The following DACH2 variants were observed in gnomAD, a reference collection of about 807,000 sequenced individuals.
DACH2 encodes dachshund homolog 2.
DACH2 carries 17 observed loss-of-function variants against 35.8 expected under a neutral mutation model. That is an observed-to-expected ratio of 0.48 (90% CI 0.33 to 0.71). The LOEUF is 0.71. DACH2 is among the 30% of genes least tolerant of loss of function. The pLI is 0.02. For synonymous variants in DACH2, 195 were observed against 177.3 expected, an observed-to-expected ratio of 1.10 and a Z score of -0.79; for missense variants, 469 against 472.7, an observed-to-expected ratio of 0.99 and a Z score of 0.07.
chrX:86,581,323 C>G (rs6617243), intron 3 of DACH2, among the ~76,000 whole-genome samples: 2 of 111,642 alleles, frequency 1.8e-5, no homozygotes, highest in Admixed American at 9.5e-5. Context: ...ACAAACAAGT[C>G]TGCATAATAA....
At chrX:86,630,421 C>T (rs2369237) in intron 3 of DACH2, among the ~76,000 whole-genome samples, 12,119 of 106,911 alleles carry the variant, frequency 0.11, 699 homozygotes, top group East Asian at 0.3. Flanking sequence ...TATATATACA[C>T]ACATATATAT....
intron 2 of DACH2, among the ~76,000 whole-genome samples, chrX:86,427,011 T>A (rs1476707938): frequency 8.9e-6 from 1 of 112,196 alleles, no homozygotes; most frequent in Admixed American, 9.5e-5. Flanking sequence ...GAATACATCC[T>A]TTTTTGTCAG....
intron 3 of DACH2, among the ~76,000 whole-genome samples, chrX:86,572,259 A>G (rs1200337694): frequency 9.0e-6 from 1 of 111,486 alleles, no homozygotes; most frequent in Non-Finnish European, 1.9e-5. Flanking sequence ...AAGATAGACA[A>G]TTCTTACCAT....
intron 2 of DACH2, among the ~76,000 whole-genome samples, chrX:86,426,190 A>G (rs770525153): frequency 9.0e-6 from 1 of 111,374 alleles, no homozygotes; most frequent in Non-Finnish European, 1.9e-5. Context: ...AATGTTTATC[A>G]TAGTATTAAA....
At chrX:86,653,849 T>C (rs2040507812) in intron 4 of DACH2, among the ~76,000 whole-genome samples, 1 of 109,102 alleles carries the variant, frequency 9.2e-6, no homozygotes, top group Non-Finnish European at 1.9e-5. Flanking sequence ...GTACTTTTAG[T>C]AGAGAAGGGG....
At chrX:86,370,036 C>T (rs949683246) in intron 1 of DACH2, among the ~76,000 whole-genome samples, 3 of 111,830 alleles carry the variant, frequency 2.7e-5, no homozygotes, top group Admixed American at 9.6e-5. Context: ...CAAATATTTA[C>T]TGATGACTAC....
At position 86,512,772 on chromosome X, in the gene DACH2, T is replaced by C. The variant is rs547599765; in HGVS notation, c.528-1507T>C. 12 of 232,696 alleles carry C rather than the reference T, an allele frequency of 5.2e-5. No homozygotes were observed. The South Asian group carries it at 5.7e-4, about 11-fold the overall frequency. The allele number at this position is 232,696 out of a possible 1,213,427, so 19.2% of individuals were successfully genotyped here. A position where few individuals can be genotyped will look rare whatever the true frequency, so the allele number is the denominator to read the frequency against. On this transcript the variant is annotated intron_variant, in intron 2 of 11. Coordinates refer to ENST00000373125, the MANE Select transcript of DACH2 (RefSeq NM_053281.3). ...TATTCCGATGAACATTTTTCAGTGA[T>C]ATTGGGATCCTTTAGGACATTCGAA...
chrX:86,480,480 C>A (rs1464221784), intron 2 of DACH2, among the ~76,000 whole-genome samples: 6 of 111,670 alleles, frequency 5.4e-5, no homozygotes, highest in Non-Finnish European at 9.4e-5. Context: ...CTTGCTATCA[C>A]CTATGTCCAC....
At chrX:86,587,183 T>G (rs919243344) in intron 3 of DACH2, among the ~76,000 whole-genome samples, 5 of 111,620 alleles carry the variant, frequency 4.5e-5, no homozygotes, top group Non-Finnish European at 5.7e-5. Context: ...CAGTTATGAA[T>G]GGGATTGCGT....
intron 3 of DACH2, among the ~76,000 whole-genome samples, chrX:86,555,690 T>G (rs1432298005): frequency 8.9e-6 from 1 of 111,815 alleles, no homozygotes; most frequent in African/African-American, 3.2e-5. Flanking sequence ...TCATTTTCCT[T>G]TGTTTAAATA....
At chrX:86,730,156 A>T (rs552731667) in intron 6 of DACH2, among the ~76,000 whole-genome samples, 1 of 111,305 alleles carries the variant, frequency 9.0e-6, no homozygotes, top group African/African-American at 3.3e-5. Context: ...TAACACTTTG[A>T]TCACTAATTC....
intron 2 of DACH2, among the ~76,000 whole-genome samples, chrX:86,449,968 C>T (rs1602532179): frequency 9.0e-6 from 1 of 111,349 alleles, no homozygotes; most frequent in South Asian, 3.7e-4. Context: ...CTTTTACCAG[C>T]GAATTTTATA....
At chrX:86,585,978 A>G (rs1305522184) in intron 3 of DACH2, among the ~76,000 whole-genome samples, 1 of 111,495 alleles carries the variant, frequency 9.0e-6, no homozygotes, top group Non-Finnish European at 1.9e-5. Flanking sequence ...AGTTCTTTGA[A>G]AAATTGATGT....
At chrX:86,438,018 A>T (rs2037096110) in intron 2 of DACH2, among the ~76,000 whole-genome samples, 1 of 108,330 alleles carries the variant, frequency 9.2e-6, no homozygotes, top group Non-Finnish European at 1.9e-5. Context: ...TTTTCTGAGT[A>T]TCTCCTCCTC....
chrX:86,615,075 T>C (rs1286467404), intron 3 of DACH2, among the ~76,000 whole-genome samples: 2 of 111,669 alleles, frequency 1.8e-5, no homozygotes, highest in African/African-American at 6.5e-5. Flanking sequence ...GTGACTGTTG[T>C]CACCCACTCT....
intron 1 of DACH2, among the ~76,000 whole-genome samples, chrX:86,152,159 A>G (rs1217936686): frequency 2.7e-5 from 3 of 111,743 alleles, no homozygotes; most frequent in Non-Finnish European, 5.7e-5. Flanking sequence ...AATGTTCATA[A>G]TATGTTGTTG....
At chrX:86,187,493 C>T (rs887747076) in intron 1 of DACH2, among the ~76,000 whole-genome samples, 1 of 107,340 alleles carries the variant, frequency 9.3e-6, no homozygotes, top group African/African-American at 3.4e-5. Context: ...TCCCAGCTCA[C>T]TGCAACCTCT....
intron 3 of DACH2, among the ~76,000 whole-genome samples, chrX:86,580,446 A>C (rs1028626504): frequency 8.9e-6 from 1 of 111,861 alleles, no homozygotes; most frequent in African/African-American, 3.2e-5. Context: ...GATTATTGAG[A>C]TTCAGGATAA....
At chrX:86,500,727 C>CT (rs2038238384) in intron 2 of DACH2, among the ~76,000 whole-genome samples, 1 of 111,507 alleles carries the variant, frequency 9.0e-6, no homozygotes, top group South Asian at 3.8e-4. Flanking sequence ...GGAAGCGACT[C>CT]TAAGATTAGA....
Sources: gnomAD v4.1 joint callset for allele counts (sites outside exome capture counted in the v4.1 genomes callset) on GRCh38, gnomAD v4.1.1 for gene constraint, MANE v1.5 for transcripts, NCBI Gene and HGNC (gene_info 2026-07-23, HGNC 2026-07-21) for gene names.